The following NBAS variants were observed in gnomAD, a reference collection of about 807,000 sequenced individuals.
NBAS encodes NAG/BC035112 fusion.
NBAS carries 219 observed loss-of-function variants against 302.5 expected under a neutral mutation model. That is an observed-to-expected ratio of 0.72 (90% CI 0.65 to 0.81). The LOEUF is 0.81. NBAS is among the 30% of genes least tolerant of loss of function. NBAS has a pLI of 0.00. For missense variants in NBAS, 2,932 were observed against 2,841.6 expected (o/e 1.03, Z -0.72); for synonymous variants, 1,118 against 1,021.6 (o/e 1.09, Z -1.80).
chr2:15,211,315 C>A (rs1279304203), intron 48 of NBAS, among the ~76,000 whole-genome samples: 1 of 151,936 alleles, frequency 6.6e-6, no homozygotes, highest in Non-Finnish European at 1.5e-5. Context: ...CAATGTGCAA[C>A]CTATATTAGA....
intron 19 of NBAS, among the ~76,000 whole-genome samples, chr2:15,463,792 A>G (rs577608558): frequency 6.6e-6 from 1 of 150,972 alleles, no homozygotes; most frequent in African/African-American, 2.4e-5. Context: ...CAAATGCAAA[A>G]AAAAAAAAAA....
the NBAS span, among the ~76,000 whole-genome samples, chr2:15,133,143 T>C: frequency 6.6e-6 from 1 of 152,208 alleles, no homozygotes; most frequent in Non-Finnish European, 1.5e-5. Flanking sequence ...TATGCACCAG[T>C]TCTTGTGCTG....
intron 32 of NBAS, among the ~76,000 whole-genome samples, chr2:15,357,973 T>G (rs1673706707): frequency 6.6e-6 from 1 of 152,130 alleles, no homozygotes; most frequent in South Asian, 2.1e-4. Flanking sequence ...TGCCTTTTAC[T>G]TAAAGAATTC....
intron 44 of NBAS, among the ~76,000 whole-genome samples, chr2:15,272,708 G>A (rs1380519701): frequency 6.6e-6 from 1 of 152,108 alleles, no homozygotes; most frequent in African/African-American, 2.4e-5. Context: ...AAATATATAT[G>A]CTTGCATTAT....
rs574131956 is a variant in NBAS at position 15,175,636 on chromosome 2, G to A, written c.6840+3352C>T. ...AATCCAGAAGTCTATACCATGCAGG[G>A]TTTTAATTGTTCATCATCAATACAA... On this transcript the variant is annotated intron_variant, in intron 51 of 51. Coordinates refer to ENST00000281513, the MANE Select transcript of NBAS (RefSeq NM_015909.4). 3.0e-4 allele frequency among the ~76,000 whole-genome samples: 46 copies of A among 152,250 alleles called. 1 individual carries two copies. In the South Asian group the frequency reaches 7.9e-3, roughly 26 times the overall value.
chr2:15,549,512 T>C (rs984338791), intron 6 of NBAS, among the ~76,000 whole-genome samples: 3 of 151,964 alleles, frequency 2.0e-5, no homozygotes, highest in Non-Finnish European at 1.5e-5. Context: ...GAGGATCACT[T>C]GAGCCCATGA....
intron 48 of NBAS, among the ~76,000 whole-genome samples, chr2:15,194,995 C>T (rs1165396106): frequency 1.3e-5 from 2 of 151,882 alleles, no homozygotes; most frequent in South Asian, 2.1e-4. Flanking sequence ...AACTAAGAAA[C>T]GAGTCAGGAA....
the NBAS span, among the ~76,000 whole-genome samples, chr2:15,160,130 G>T: frequency 5.3e-5 from 8 of 152,288 alleles, no homozygotes; most frequent in Admixed American, 5.2e-4. Flanking sequence ...TTAAGTTGGG[G>T]ATGACAAGGT....
the NBAS span, among the ~76,000 whole-genome samples, chr2:15,145,569 A>T: frequency 2.6e-5 from 4 of 152,058 alleles, no homozygotes; most frequent in African/African-American, 9.7e-5. Flanking sequence ...CTGGTCCTAG[A>T]GGCTGCAGGA....
At chr2:15,304,428 C>T (rs532854084) in intron 40 of NBAS, among the ~76,000 whole-genome samples, 121 of 152,218 alleles carry the variant, frequency 7.9e-4, no homozygotes, top group Admixed American at 1.2e-3. Flanking sequence ...CAGACTAAAA[C>T]AGTAAATTAA....
chr2:15,073,568 G>A, the NBAS span, among the ~76,000 whole-genome samples: 1 of 151,322 alleles, frequency 6.6e-6, no homozygotes, highest in Non-Finnish European at 1.5e-5. Flanking sequence ...ATCCTATCAT[G>A]AGTAACCACA....
At chr2:15,242,749 T>C (rs1667923208) in intron 44 of NBAS, among the ~76,000 whole-genome samples, 1 of 152,070 alleles carries the variant, frequency 6.6e-6, no homozygotes, top group Admixed American at 6.6e-5. Context: ...ATGTATATCA[T>C]TACTATAATA....
At position 15,388,346 on chromosome 2, in the gene NBAS, C is replaced by T. The variant is rs184079735; in HGVS notation, c.3258-5029G>A. 7.3e-5 allele frequency among the ~76,000 whole-genome samples: 11 copies of T among 151,718 alleles called. 1 individual carries two copies. The South Asian group carries it at 1.5e-3, about 20-fold the overall frequency. On this transcript the variant is annotated intron_variant, in intron 28 of 51. Coordinates refer to ENST00000281513, the MANE Select transcript of NBAS (RefSeq NM_015909.4). ...CTTAGGTATTTAATGTGTTGATACCCTTATAATGTTTTCCACTTCACTAGT... is the reference window on the plus strand; with the variant it reads ...CTTAGGTATTTAATGTGTTGATACCTTTATAATGTTTTCCACTTCACTAGT...
chr2:15,248,352 G>A (rs1380712617), intron 44 of NBAS, among the ~76,000 whole-genome samples: 4 of 152,156 alleles, frequency 2.6e-5, no homozygotes, highest in Non-Finnish European at 5.9e-5. Flanking sequence ...AAGAAAGCAA[G>A]AAACACCTAA....
intron 46 of NBAS, among the ~76,000 whole-genome samples, chr2:15,233,822 T>G (rs1343961958): frequency 6.6e-6 from 1 of 152,180 alleles, no homozygotes; most frequent in African/African-American, 2.4e-5. Flanking sequence ...AAAACTGACA[T>G]GCATTTAATC....
chr2:15,467,289 T>C, intron 19 of NBAS, 40 bp downstream of exon 19: 1 of 1,371,478 alleles, frequency 7.3e-7, no homozygotes, highest in East Asian at 2.3e-5. Flanking sequence ...TAATGACAGA[T>C]CAAATGAACA....
intron 51 of NBAS, among the ~76,000 whole-genome samples, chr2:15,169,601 T>C (rs1664201579): frequency 6.6e-6 from 1 of 152,182 alleles, no homozygotes; most frequent in Non-Finnish European, 1.5e-5. Context: ...GTGATACAGT[T>C]GCTCCATGGT....
rs545764791 is a variant in NBAS, at chr2:15,385,765, A to T, written c.3258-2448T>A. On this transcript the variant is annotated intron_variant, in intron 28 of 51. Coordinates refer to ENST00000281513, the MANE Select transcript of NBAS (RefSeq NM_015909.4). ...CCATGGAAATACGCATAAAATAATT[A>T]AGATTAATTTCAGGTCAACTACTGT... Among the ~76,000 whole-genome samples the T allele has an allele frequency of 3.3e-5, 5 of 152,320 alleles. No individual in the cohort carries two copies. The East Asian group carries it at 9.6e-4, about 29-fold the overall frequency.
the NBAS span, among the ~76,000 whole-genome samples, chr2:14,892,826 C>T: frequency 6.6e-6 from 1 of 152,058 alleles, no homozygotes; most frequent in African/African-American, 2.4e-5. Flanking sequence ...CGATTTTTAT[C>T]ATCTTATTTA....
Sources: allele counts gnomAD v4.1 joint callset (sites outside exome capture counted in the v4.1 genomes callset), GRCh38; gene constraint gnomAD v4.1.1; transcripts MANE v1.5; gene names NCBI Gene and HGNC (gene_info 2026-07-23, HGNC 2026-07-21).